PKIB: variants seen among roughly 807,000 people sequenced by gnomAD.
PKIB encodes the protein PKI-beta.
PKIB carries 2 observed loss-of-function variants against 4.5 expected under a neutral mutation model. The ratio of observed to expected loss-of-function variants is 0.44; its 90% CI spans 0.18 to 1.39. PKIB has a LOEUF of 1.39. PKIB is among the 40% of genes most tolerant of loss of function. The pLI is 0.27. For synonymous variants in PKIB, 38 were observed against 36.0 expected (o/e 1.06, Z -0.20); for missense variants, 94 against 92.6 (o/e 1.02, Z -0.06).
intron 2 of PKIB, among the ~76,000 whole-genome samples, chr6:122,503,745 T>C (rs1776316217): frequency 6.6e-6 from 1 of 152,174 alleles, no homozygotes; most frequent in Non-Finnish European, 1.5e-5. Flanking sequence ...CAATGGAGGA[T>C]CCTGGCTGGT....
Position 122,632,348 on chromosome 6 carries a change from A to G in PKIB, c.-160-935A>G, listed in dbSNP as rs372805642. ...GCCTCACATCTAGAAAAAGAAACAGATGATCTTCATAAAATGAAAGAAACA... is the reference window on the plus strand; with the variant it reads ...GCCTCACATCTAGAAAAAGAAACAGGTGATCTTCATAAAATGAAAGAAACA... On this transcript the variant is annotated intron_variant, in intron 1 of 4. Coordinates refer to ENST00000368452, the MANE Select transcript of PKIB (RefSeq NM_181795.3). Among the ~76,000 whole-genome samples, 4 of 152,300 alleles carry G rather than the reference A, an allele frequency of 2.6e-5. No individual in the cohort carries two copies. The South Asian group carries it at 8.3e-4, about 32-fold the overall frequency.
chr6:122,600,418 GTAT>G (rs1036534653), intron 3 of PKIB, among the ~76,000 whole-genome samples: 27 of 152,252 alleles, frequency 1.8e-4, no homozygotes, highest in African/African-American at 6.5e-4. Context: ...TTGACACTCA[GTAT>G]TAACTATCAC....
chr6:122,603,550 C>T (rs1454052609), intron 3 of PKIB, among the ~76,000 whole-genome samples: 1 of 152,140 alleles, frequency 6.6e-6, no homozygotes, highest in Non-Finnish European at 1.5e-5. Flanking sequence ...GCTATCTCAA[C>T]TCACTGCAAC....
chr6:122,718,032 G>T, intron 4 of PKIB, 69 bp downstream of exon 4: 4 of 1,487,416 alleles, frequency 2.7e-6, no homozygotes, highest in Non-Finnish European at 3.6e-6. Context: ...TCTCTGGACA[G>T]TCTTTCTTTT....
intron 1 of PKIB, among the ~76,000 whole-genome samples, chr6:122,632,121 G>T (rs766582741): frequency 1.3e-5 from 2 of 152,130 alleles, no homozygotes; most frequent in Non-Finnish European, 1.5e-5. Context: ...AACTAGATTT[G>T]CCCATGCAAA....
chr6:122,485,644 C>T (rs931299946), intron 2 of PKIB, among the ~76,000 whole-genome samples: 2 of 149,798 alleles, frequency 1.3e-5, no homozygotes, highest in Non-Finnish European at 3.0e-5. Context: ...AACACATTTC[C>T]AATTCAAAAC....
chr6:122,635,731 G>T (rs1775895066), intron 2 of PKIB, among the ~76,000 whole-genome samples: 1 of 151,874 alleles, frequency 6.6e-6, no homozygotes, highest in South Asian at 2.1e-4. Context: ...TTAGACTGAG[G>T]AATAAAACCC....
rs1016425959 is a variant in PKIB, at chr6:122,724,267, G to A, written c.170-861G>A. 2.0e-4 allele frequency among the ~76,000 whole-genome samples: 31 copies of A among 152,204 alleles called. 1 individual carries two copies. The highest frequency in any genetic ancestry group is 1.2e-3 in the South Asian group (6 of 4,816). The stretch of plus-strand genomic sequence containing the variant: ...GGGAAAGTCAGGTAAAATGAAGAGC[G>A]CAGATGATTATTAGAGTCAGCCTCT... On this transcript the variant is annotated intron_variant, in intron 4 of 4. Transcript: ENST00000368452.
chr6:122,616,332 A>AT (rs1774987500), intron 1 of PKIB, among the ~76,000 whole-genome samples: 1 of 152,162 alleles, frequency 6.6e-6, no homozygotes, highest in African/African-American at 2.4e-5. Context: ...GACAAGTAGA[A>AT]AGCAAGAGTA....
chr6:122,493,645 G>T (rs957598158), intron 2 of PKIB, among the ~76,000 whole-genome samples: 1 of 152,146 alleles, frequency 6.6e-6, no homozygotes, highest in Non-Finnish European at 1.5e-5. Flanking sequence ...TCTTGTCTGA[G>T]AGTCTATTTT....
At chr6:122,522,753 C>G (rs921751301) in intron 2 of PKIB, among the ~76,000 whole-genome samples, 7 of 152,300 alleles carry the variant, frequency 4.6e-5, no homozygotes, top group South Asian at 2.1e-4. Flanking sequence ...ACTGTCTAAC[C>G]AGTTCCAGTG....
chr6:122,569,281 G>A (rs1459436547), intron 2 of PKIB, among the ~76,000 whole-genome samples: 1 of 152,184 alleles, frequency 6.6e-6, no homozygotes, highest in Non-Finnish European at 1.5e-5. Flanking sequence ...GGGTAACTTA[G>A]GGCAAACTCA....
chr6:122,654,041 C>T (rs1177500944), intron 2 of PKIB, among the ~76,000 whole-genome samples: 3 of 152,192 alleles, frequency 2.0e-5, no homozygotes, highest in African/African-American at 7.2e-5. Context: ...TCCCCGTCTC[C>T]AATTATGGTC....
intron 3 of PKIB, among the ~76,000 whole-genome samples, chr6:122,681,114 A>T (rs922314551): frequency 1.3e-5 from 2 of 152,198 alleles, no homozygotes; most frequent in African/African-American, 4.8e-5. Flanking sequence ...AGTTCATACT[A>T]TCAATGAGCC....
At chr6:122,540,238 G>T (rs2114634430) in intron 2 of PKIB, among the ~76,000 whole-genome samples, 1 of 152,006 alleles carries the variant, frequency 6.6e-6, no homozygotes, top group East Asian at 1.9e-4. Context: ...GAATGTGTTT[G>T]CTCTTGCTTT....
At chr6:122,673,565 C>T (rs1186014445) in intron 2 of PKIB, among the ~76,000 whole-genome samples, 1 of 152,132 alleles carries the variant, frequency 6.6e-6, no homozygotes, top group East Asian at 1.9e-4. Context: ...AGAGGAAGAG[C>T]AAAGATCATT....
chr6:122,581,299 G>A (rs1189570145), intron 2 of PKIB, among the ~76,000 whole-genome samples: 1 of 152,098 alleles, frequency 6.6e-6, no homozygotes, highest in East Asian at 1.9e-4. Flanking sequence ...TTTCAATGTA[G>A]AGAATTTCTT....
intron 1 of PKIB, among the ~76,000 whole-genome samples, chr6:122,612,544 T>C (rs893006042): frequency 2.0e-5 from 3 of 152,306 alleles, no homozygotes; most frequent in East Asian, 1.9e-4. Context: ...TGGAATGATA[T>C]ACTATATGGT....
chr6:122,527,537 CAAGGGGATG>C (rs1777129335), intron 2 of PKIB, among the ~76,000 whole-genome samples: 1 of 151,958 alleles, frequency 6.6e-6, no homozygotes. Context: ...TATGGAGATC[CAAGGGGATG>C]AAGAGAGATA....
Sources: gnomAD v4.1 joint callset for allele counts (sites outside exome capture counted in the v4.1 genomes callset) on GRCh38, gnomAD v4.1.1 for gene constraint, MANE v1.5 for transcripts, NCBI Gene and HGNC (gene_info 2026-07-23, HGNC 2026-07-21) for gene names.